Variants in ZNF789 observed in about 807,000 individuals in gnomAD.
ZNF789 encodes the protein zinc finger protein 789.
In ZNF789, 11 loss-of-function variants were observed where a neutral mutation model predicts 15.6. The ratio of observed to expected loss-of-function variants is 0.70; its 90% confidence interval spans 0.44 to 1.16. The LOEUF (loss-of-function observed/expected upper bound fraction) is 1.16, where lower values mean the gene tolerates loss of function less well. Ranked by LOEUF, ZNF789 falls within the 50% of genes most tolerant of loss-of-function variation. The pLI is 0.00. For synonymous variants in ZNF789, 159 were observed against 176.0 expected, an observed-to-expected ratio of 0.90 and a Z score of 0.76; for missense variants, 461 against 512.6, an observed-to-expected ratio of 0.90 and a Z score of 0.97.
At chr7:99,474,041 GCCTTA>G (rs1347950837) in intron 1 of ZNF789, among the ~76,000 whole-genome samples, 1 of 152,182 alleles carries the variant, frequency 6.6e-6, no homozygotes, top group Non-Finnish European at 1.5e-5. Flanking sequence ...TATTTTAAAT[GCCTTA>G]CATGGCTGTG....
Position 99,486,825 on chromosome 7 carries a change from A to T in ZNF789, c.615A>T (p.Glu205Asp). 2 of 1,614,214 alleles carry T rather than the reference A, an allele frequency of 1.2e-6. No individual in the cohort carries two copies. Among genetic ancestry groups the T allele is most frequent in the South Asian group, 2.2e-5 (2 of 91,088 alleles). Residue 205 changes from glutamate (E) to aspartate (D), a missense_variant, in exon 5 of 5, where the codon GAA (glutamate) becomes GAT (aspartate). Physicochemically the swap from Glu to Asp is conservative, Grantham distance 45. Coordinates refer to ENST00000331410, the MANE Select transcript of ZNF789 (RefSeq NM_213603.3). ...LTRAKSYECS[E>D]CGKVIRRKAW... ...GAGCAAAGTCTTATGAATGCAGTGAATGTGGAAAAGTCATTAGGCGTAAGG... is the reference window on the plus strand; with the variant it reads ...GAGCAAAGTCTTATGAATGCAGTGATTGTGGAAAAGTCATTAGGCGTAAGG...
intron 4 of ZNF789, among the ~76,000 whole-genome samples, chr7:99,486,040 G>T (rs1444449570): frequency 6.6e-6 from 1 of 152,146 alleles, no homozygotes; most frequent in African/African-American, 2.4e-5. Context: ...ATTTTGGGCT[G>T]GGTGCGGTGG....
chr7:99,484,667 G>A (rs896382105), intron 4 of ZNF789, among the ~76,000 whole-genome samples: 1 of 151,748 alleles, frequency 6.6e-6, no homozygotes, highest in African/African-American at 2.4e-5. Context: ...GGGGGCTCAC[G>A]CCGGTAATCC....
At chr7:99,478,327 T>G in intron 2 of ZNF789, 1 of 1,289,560 alleles carries the variant, frequency 7.8e-7, no homozygotes, top group Non-Finnish European at 1.0e-6. Context: ...GCAGCGCAGC[T>G]CTGGTAAAAG....
rs771820190 is a variant in ZNF789, at chr7:99,487,508, A to G, written c.*20A>G. 1.9e-6 allele frequency: 3 copies of G among 1,594,694 alleles called. No individual in the cohort carries two copies. In the African/African-American group the frequency reaches 4.1e-5, roughly 22 times the overall value. On this transcript the variant is annotated 3_prime_UTR_variant, in exon 5 of 5. Transcript: ENST00000331410. The stretch of plus-strand genomic sequence containing the variant: ...ACATGATGTTAATTGGAAAGCAGTC[A>G]TTGGAGAACTAGAACTTATAAACCT...
At chr7:99,483,111 A>G (rs1799735284) in intron 3 of ZNF789, among the ~76,000 whole-genome samples, 1 of 149,560 alleles carries the variant, frequency 6.7e-6, no homozygotes, top group Non-Finnish European at 1.5e-5. Context: ...CATGCCTGTA[A>G]TTCCAGCTAC....
Position 99,487,443 on chromosome 7 carries a change from C to G in ZNF789, c.1233C>G (p.Ser411Arg). 2 of 1,614,164 alleles carry G rather than the reference C, an allele frequency of 1.2e-6. No individual in the cohort carries two copies. The highest frequency in any genetic ancestry group is 1.7e-6 in the Non-Finnish European group (2 of 1,180,008). ...ICGKSFKWHTSFIKHQGTHKG... is the reference protein window; with the variant it reads ...ICGKSFKWHTRFIKHQGTHKG... The stretch of plus-strand genomic sequence containing the variant: ...GAAAATCTTTCAAGTGGCACACAAG[C>G]TTTATTAAGCACCAGGGCACTCACA... Residue 411 changes from serine to arginine, a missense_variant, in exon 5 of 5, where the codon AGC becomes AGG. By Grantham distance (110) the Ser-to-Arg change is moderately radical. Transcript: ENST00000331410.
chr7:99,478,336 A>G, intron 2 of ZNF789: 1 of 1,289,668 alleles, frequency 7.8e-7, no homozygotes, highest in South Asian at 1.2e-5. Flanking sequence ...CTCTGGTAAA[A>G]GAGTGACACT....
chr7:99,476,010 G>A (rs1799316796), intron 1 of ZNF789, among the ~76,000 whole-genome samples: 1 of 151,974 alleles, frequency 6.6e-6, no homozygotes, highest in African/African-American at 2.4e-5. Flanking sequence ...TCACCATGTT[G>A]GCCAGGATGG....
Sources: allele counts gnomAD v4.1 joint callset (sites outside exome capture counted in the v4.1 genomes callset), GRCh38; gene constraint gnomAD v4.1.1; transcripts MANE v1.5; gene names NCBI Gene and HGNC (gene_info 2026-07-23, HGNC 2026-07-21).